The following HECTD4 variants were observed in gnomAD, a reference collection of about 807,000 sequenced individuals.
HECTD4 encodes the protein probable E3 ubiquitin-protein ligase HECTD4.
A neutral mutation model predicts 471.5 loss-of-function variants in HECTD4; 114 were observed. The observed-to-expected ratio is 0.24, with a 90% CI of 0.21 to 0.28. The LOEUF (loss-of-function observed/expected upper bound fraction) is 0.28. Among genes scored for constraint, HECTD4 ranks in the 10% least tolerant of loss-of-function variants. The probability of loss-of-function intolerance (pLI) is 1.00; values close to 1 mark genes in which losing one functional copy is unlikely to be tolerated. For missense variants in HECTD4, 3,866 were observed against 5,651.5 expected, an observed-to-expected ratio of 0.68 and a Z score of 10.13; for synonymous variants, 2,012 against 2,256.0, an observed-to-expected ratio of 0.89 and a Z score of 3.07.
At chr12:112,310,844 T>C (rs2035356046) in intron 4 of HECTD4, among the ~76,000 whole-genome samples, 1 of 152,090 alleles carries the variant, frequency 6.6e-6, no homozygotes, top group African/African-American at 2.4e-5. Flanking sequence ...GGGGCAGAAG[T>C]GAAAAGGACA....
intron 15 of HECTD4, 77 bp from the exon 16 acceptor site, chr12:112,265,372 A>G (rs1196786845): frequency 2.1e-6 from 2 of 941,992 alleles, no homozygotes; most frequent in Admixed American, 5.4e-5. Context: ...TATAATTAGT[A>G]TAAGATGACA....
rs1490583459 is a variant in HECTD4 at position 112,248,433 on chromosome 12, G to A, written c.4030C>T (p.Gln1344Ter). 1 of 1,611,196 alleles carries A rather than the reference G, an allele frequency of 6.2e-7. No individual in the cohort carries two copies. The highest frequency in any genetic ancestry group is 8.5e-7 in the Non-Finnish European group (1 of 1,177,900). The change falls in exon 26 of 76, where the codon CAG becomes TAG. Residue 1344 changes from glutamine (Q) to a stop codon, truncating the protein, a stop_gained. Transcript: ENST00000682272. LOFTEE classifies it high-confidence loss of function. ...TGATATTGGAAATTTATTAGAGACT[G>A]CAGTGCATCAACCAAGTTCAAGTGC... is the stretch of plus-strand genomic sequence containing the variant. ...IKHLNLVDAL[Q>*]SLINFQYQEE...
In HECTD4 at chr12:112,195,044, C is replaced by T; in HGVS notation, c.8590G>A (p.Ala2864Thr). 4 of 1,604,040 alleles carry T rather than the reference C, an allele frequency of 2.5e-6. No individual in the cohort carries two copies. The highest frequency in any genetic ancestry group is 3.4e-6 in the Non-Finnish European group (4 of 1,175,756). Reference protein sequence around the residue: ...IHRELLRCEAALARLYCRMAL... With the variant: ...IHRELLRCEATLARLYCRMAL... ...ATGCGGCAGTACAGCCTGGCCAGCG[C>T]AGCCTCGCAGCGCAGCAGCTCCCTG... is the stretch of plus-strand genomic sequence containing the variant. Residue 2864 changes from alanine to threonine, a missense_variant, in exon 56 of 76, where the codon GCG (alanine) becomes ACG (threonine). Transcript: ENST00000682272.
At chr12:112,334,560 C>T (rs1393115638) in intron 1 of HECTD4, among the ~76,000 whole-genome samples, 12 of 148,648 alleles carry the variant, frequency 8.1e-5, no homozygotes, top group Non-Finnish European at 1.3e-4. Flanking sequence ...TTTGGGAGGC[C>T]GAGGCGGGCA....
rs1172052362 is a variant in HECTD4 at position 112,314,539 on chromosome 12, A to G, written c.703T>C (p.Leu235=). Residue 235 remains leucine, a synonymous_variant, in exon 3 of 76, where the codon TTG becomes CTG. Coordinates refer to ENST00000682272, the MANE Select transcript of HECTD4 (RefSeq NM_001388303.1). ...LVALACARGS[L]KTFVHTVHLL... is the part of the protein sequence containing the mutation. ...TGGACTGTGTGGACGAAAGTTTTCA[A>G]TGATCCCCTAAAAATAAAAGGAAGG... 4 of 1,499,928 alleles carry G rather than the reference A, an allele frequency of 2.7e-6. No homozygotes were observed. The South Asian group carries it at 4.8e-5, about 18-fold the overall frequency. The allele number at this position is 1,499,928 out of a possible 1,614,324, so 92.9% of individuals were successfully genotyped here.
At position 112,298,926 on chromosome 12, in the gene HECTD4, C is replaced by T. The variant is rs12230537; in HGVS notation, c.1335+7138G>A. Among the ~76,000 whole-genome samples, 8,372 of 151,076 alleles carry T rather than the reference C, an allele frequency of 0.055. 1,274 individuals are homozygous for T. The East Asian group carries it at 0.61, about 11-fold the overall frequency. Reference sequence around the variant, plus strand: ...AAAGTGCTGGGGTTACAGGCATGAGCTACCATGCCCAGCTGCCGTATATAT... The same window carrying T: ...AAAGTGCTGGGGTTACAGGCATGAGTTACCATGCCCAGCTGCCGTATATAT... On this transcript the variant is annotated intron_variant, in intron 7 of 75. Coordinates refer to ENST00000682272, the MANE Select transcript of HECTD4 (RefSeq NM_001388303.1).
chr12:112,311,624 AAAAAAAAAAAAG>A (rs1211965093), intron 4 of HECTD4, among the ~76,000 whole-genome samples: 1 of 150,934 alleles, frequency 6.6e-6, no homozygotes, highest in Non-Finnish European at 1.5e-5. Context: ...CATCTCAAAA[AAAAAAAAAAAAG>A]AAAAGAAAAA....
intron 1 of HECTD4, among the ~76,000 whole-genome samples, chr12:112,352,455 C>T (rs970758117): frequency 2.6e-5 from 4 of 151,768 alleles, no homozygotes; most frequent in South Asian, 2.1e-4. Flanking sequence ...CCTGCCTCAG[C>T]CTCCCGGGTA....
chr12:112,212,389 T>A, intron 49 of HECTD4, 98 bp downstream of exon 49: 1 of 955,676 alleles, frequency 1.0e-6, no homozygotes, highest in Non-Finnish European at 1.6e-6. Context: ...CAATATTATG[T>A]ACAATGAGGG....
chr12:112,193,708 A>G lies in HECTD4; in HGVS notation c.8750-34T>C. ...GGAAAGGAAACAGAAGTTGACAAGA[A>G]TCAAAGCAGCCAGTAGCTGTGAGAG... On this transcript the variant is annotated intron_variant, in intron 56 of 75. Coordinates refer to ENST00000682272, the MANE Select transcript of HECTD4 (RefSeq NM_001388303.1). This position sits in a 1 kb window ranked among gnomAD's most constrained non-coding sequence, Gnocchi z 5.2. 6.4e-7 allele frequency: 1 copy of G among 1,574,362 alleles called. No individual in the cohort carries two copies. The highest frequency in any genetic ancestry group is 8.7e-7 in the Non-Finnish European group (1 of 1,155,702).
At position 112,228,899 on chromosome 12, in the gene HECTD4, G is replaced by C; in HGVS notation, c.6520-88C>G. On this transcript the variant is annotated intron_variant, in intron 41 of 75. Coordinates refer to ENST00000682272, the MANE Select transcript of HECTD4 (RefSeq NM_001388303.1). This position sits in a 1 kb window ranked among gnomAD's most constrained non-coding sequence, Gnocchi z 4.9. ...GACAAGAGGAAAAAGTAAATTTATA[G>C]TTGTCATTGTTGGCGTTACAGTAAT... is the stretch of plus-strand genomic sequence containing the variant. 8.0e-7 allele frequency: 1 copy of C among 1,250,636 alleles called. No homozygotes were observed. The highest frequency in any genetic ancestry group is 1.1e-6 in the Non-Finnish European group (1 of 873,318). The allele number at this position is 1,250,636 out of a possible 1,614,324, so 77.5% of individuals were successfully genotyped here.
At chr12:112,224,455 A>G (rs1223035494) in intron 44 of HECTD4, among the ~76,000 whole-genome samples, 1 of 151,894 alleles carries the variant, frequency 6.6e-6, no homozygotes, top group African/African-American at 2.4e-5. Context: ...TTTAGTGGAG[A>G]CGGGGTTTCA....
At chr12:112,273,840 C>G in intron 10 of HECTD4, 45 bp from the exon 11 acceptor site, 1 of 1,601,342 alleles carries the variant, frequency 6.2e-7, no homozygotes, top group Non-Finnish European at 8.5e-7. Flanking sequence ...CCACCAGCTA[C>G]CTGTATACAT....
Position 112,213,680 on chromosome 12 carries a change from C to T in HECTD4, c.7466-1030G>A, listed in dbSNP as rs1010556452. On this transcript the variant is annotated intron_variant, in intron 48 of 75. Coordinates refer to ENST00000682272, the MANE Select transcript of HECTD4 (RefSeq NM_001388303.1). This position sits in a 1 kb window ranked among gnomAD's most constrained non-coding sequence, Gnocchi z 4.0. ...CAGCCTGGGCGACAGAGCAAGACTC[C>T]GTCTCAAAAAAATATATACATATAT... Among the ~76,000 whole-genome samples, 46 of 141,144 alleles carry T rather than the reference C, an allele frequency of 3.3e-4. No homozygotes were observed. The highest frequency in any genetic ancestry group is 1.1e-3 in the African/African-American group (43 of 37,612). The allele number at this position is 141,144 out of a possible 152,430, so 92.6% of individuals were successfully genotyped here.
In HECTD4 at chr12:112,188,692, C is replaced by T. The variant is rs2031969340; in HGVS notation, c.9472+2094G>A. ...CCTGCTGAAGCTGACTTACTAAGTC[C>T]AGCACCTACCAAAGAGGGGATCAAG... is the stretch of plus-strand genomic sequence containing the variant. On this transcript the variant is annotated intron_variant, in intron 60 of 75. Transcript: ENST00000682272. The surrounding 1 kb of genome is among the most constrained non-coding windows in gnomAD (Gnocchi z 4.2). Among the ~76,000 whole-genome samples the T allele has an allele frequency of 6.6e-6, 1 of 152,248 alleles. No homozygotes were observed. The highest frequency in any genetic ancestry group is 1.5e-5 in the Non-Finnish European group (1 of 68,044).
At position 112,208,633 on chromosome 12, in the gene HECTD4, G is replaced by A. The variant is rs916684966; in HGVS notation, c.7868-3C>T. 2.6e-6 allele frequency: 4 copies of A among 1,565,192 alleles called. No individual in the cohort carries two copies. Among genetic ancestry groups the A allele is most frequent in the Non-Finnish European group, 3.5e-6 (4 of 1,159,160 alleles). On this transcript the variant is annotated splice_polypyrimidine_tract_variant and splice_region_variant and intron_variant, in intron 50 of 75. Transcript: ENST00000682272. ...ACAGGAGGTGTCACTATCATATTCTGTAACAGAGCACAAGGACAGCGAATT... is the reference window on the plus strand; with the variant it reads ...ACAGGAGGTGTCACTATCATATTCTATAACAGAGCACAAGGACAGCGAATT...
chr12:112,217,242 TC>T, intron 45 of HECTD4, 47 bp from the exon 46 acceptor site: 1 of 1,430,836 alleles, frequency 7.0e-7, no homozygotes. Context: ...GCAAACACAA[TC>T]CCTTTACTCT....
At position 112,179,218 on chromosome 12, in the gene HECTD4, T is replaced by C; in HGVS notation, c.11167A>G (p.Asn3723Asp). The change falls in exon 63 of 76, where the codon AAT becomes GAT. Residue 3723 changes from asparagine (N) to aspartate (D), a missense_variant. Around this residue, in one of 16 missense-constraint regions of HECTD4, gnomAD observed 715 missense variants for 1,087.6 expected, o/e 0.66. Coordinates refer to ENST00000682272, the MANE Select transcript of HECTD4 (RefSeq NM_001388303.1). The surrounding 1 kb of genome is among the most constrained non-coding windows in gnomAD (Gnocchi z 4.3). ...PGNLLHLFFT[N>D]VRPPKKVLED... ...AGCACCTTTTTTGGCGGCCGGACAT[T>C]GGTGAAGAAGAGGTGGAGGAGGTTG... 1 of 1,613,798 alleles carries C rather than the reference T, an allele frequency of 6.2e-7. No homozygotes were observed. Among genetic ancestry groups the C allele is most frequent in the East Asian group, 2.2e-5 (1 of 44,872 alleles).
At chr12:112,262,419 G>A (rs2034167109) in intron 17 of HECTD4, among the ~76,000 whole-genome samples, 1 of 148,482 alleles carries the variant, frequency 6.7e-6, no homozygotes, top group Admixed American at 6.8e-5. Flanking sequence ...GGGAGGCTGA[G>A]GCAGGAGAAT....
Sources: allele counts gnomAD v4.1 joint callset (sites outside exome capture counted in the v4.1 genomes callset), GRCh38; gene constraint gnomAD v4.1.1; regional missense constraint gnomAD v4.1.1; non-coding constraint Gnocchi (gnomAD v3.1); transcripts MANE v1.5; gene names NCBI Gene and HGNC (gene_info 2026-07-23, HGNC 2026-07-21).